MEGF11: variants seen among roughly 807,000 people sequenced by gnomAD.
MEGF11 encodes the protein multiple epidermal growth factor-like domains protein 11.
MEGF11 carries 126 observed loss-of-function variants against 146.6 expected under a neutral mutation model. The ratio of observed to expected loss-of-function variants is 0.86; its 90% CI spans 0.74 to 1.00. The LOEUF (loss-of-function observed/expected upper bound fraction) is 1.00, where lower values mean the gene tolerates loss of function less well. Among genes scored for constraint, MEGF11 ranks in the 50% least tolerant of loss-of-function variants. The pLI is 0.00. For synonymous variants in MEGF11, 532 were observed against 583.4 expected (o/e 0.91, Z 1.27); for missense variants, 1,509 against 1,521.2 (o/e 0.99, Z 0.13).
At chr15:65,924,082 T>C (rs1279263583) in intron 13 of MEGF11, among the ~76,000 whole-genome samples, 1 of 151,894 alleles carries the variant, frequency 6.6e-6, no homozygotes, top group African/African-American at 2.4e-5. Flanking sequence ...AAGACACTCA[T>C]GCCCAGTGAA....
chr15:66,187,007 C>T (rs993318291), intron 1 of MEGF11, among the ~76,000 whole-genome samples: 3 of 152,210 alleles, frequency 2.0e-5, no homozygotes, highest in Non-Finnish European at 4.4e-5. Context: ...CCTCTCTGAA[C>T]CCCAGCTTCC....
intron 5 of MEGF11, among the ~76,000 whole-genome samples, chr15:66,040,949 G>C (rs565759510): frequency 2.0e-4 from 30 of 151,546 alleles, no homozygotes; most frequent in African/African-American, 6.8e-4. Flanking sequence ...TCACAAAGAG[G>C]CCACTTAGGC....
At chr15:66,109,035 C>G (rs1457932117) in intron 4 of MEGF11, among the ~76,000 whole-genome samples, 1 of 152,218 alleles carries the variant, frequency 6.6e-6, no homozygotes, top group Non-Finnish European at 1.5e-5. Context: ...TGCCTCAATC[C>G]TCCCACGGCT....
intron 4 of MEGF11, among the ~76,000 whole-genome samples, chr15:66,111,997 C>T (rs1195287886): frequency 6.6e-6 from 1 of 151,016 alleles, no homozygotes; most frequent in Non-Finnish European, 1.5e-5. Flanking sequence ...TTAGAGTGCC[C>T]GACAAGAAAA....
intron 1 of MEGF11, among the ~76,000 whole-genome samples, chr15:66,231,698 C>A (rs988303017): frequency 1.3e-5 from 2 of 152,320 alleles, no homozygotes; most frequent in South Asian, 2.1e-4. Flanking sequence ...GCTTCACAGG[C>A]CCTTTGGGCA....
chr15:66,095,219 G>A (rs377517703), intron 4 of MEGF11, among the ~76,000 whole-genome samples: 1 of 152,324 alleles, frequency 6.6e-6, no homozygotes, highest in Admixed American at 6.5e-5. Flanking sequence ...GAGGCTTATT[G>A]ACAGCAGTTT....
chr15:65,945,530 A>G (rs566879875), intron 10 of MEGF11, among the ~76,000 whole-genome samples: 91 of 152,188 alleles, frequency 6.0e-4, no homozygotes, highest in African/African-American at 2.2e-3. Context: ...AGACTATGTA[A>G]CCTTGCCACG....
intron 1 of MEGF11, among the ~76,000 whole-genome samples, chr15:66,206,282 G>A (rs968954055): frequency 6.6e-6 from 1 of 151,912 alleles, no homozygotes; most frequent in African/African-American, 2.4e-5. Flanking sequence ...GGGGCTTATG[G>A]GACTATAACA....
At chr15:65,946,201 A>G (rs892151331) in intron 10 of MEGF11, among the ~76,000 whole-genome samples, 30 of 152,190 alleles carry the variant, frequency 2.0e-4, no homozygotes, top group Admixed American at 1.3e-4. Context: ...TGTGCCAAAC[A>G]CTTTTGTAGA....
At chr15:66,179,492 A>C (rs542928687) in intron 1 of MEGF11, among the ~76,000 whole-genome samples, 4 of 152,248 alleles carry the variant, frequency 2.6e-5, no homozygotes, top group Admixed American at 2.6e-4. Context: ...GAAGAGCCCA[A>C]AGCAACTCGC....
chr15:66,018,089 C>A (rs1231398187), intron 5 of MEGF11, among the ~76,000 whole-genome samples: 1 of 152,190 alleles, frequency 6.6e-6, no homozygotes, highest in Non-Finnish European at 1.5e-5. Flanking sequence ...TGTGATGGGG[C>A]AGTGCCCACC....
At chr15:65,960,699 G>C (rs914479141) in intron 9 of MEGF11, among the ~76,000 whole-genome samples, 1 of 152,226 alleles carries the variant, frequency 6.6e-6, no homozygotes, top group Non-Finnish European at 1.5e-5. Context: ...ATCAATAGAT[G>C]CTTCTGCTGT....
At chr15:66,113,502 C>T (rs767965866) in intron 4 of MEGF11, among the ~76,000 whole-genome samples, 65 of 152,142 alleles carry the variant, frequency 4.3e-4, no homozygotes, top group Non-Finnish European at 6.8e-4. Context: ...CCTCCTTGCC[C>T]GCTGCAGTGA....
intron 2 of MEGF11, among the ~76,000 whole-genome samples, chr15:66,126,647 G>A (rs1428957657): frequency 6.6e-6 from 1 of 152,218 alleles, no homozygotes; most frequent in African/African-American, 2.4e-5. Flanking sequence ...CAGCTGCAAA[G>A]GAGGCACTCG....
intron 10 of MEGF11, among the ~76,000 whole-genome samples, chr15:65,941,577 G>A (rs1469381504): frequency 2.0e-5 from 3 of 152,206 alleles, no homozygotes; most frequent in African/African-American, 7.2e-5. Flanking sequence ...TGCAGTTCTT[G>A]TGGAGCAGTT....
intron 1 of MEGF11, among the ~76,000 whole-genome samples, chr15:66,204,607 C>G (rs2091254340): frequency 6.6e-6 from 1 of 152,084 alleles, no homozygotes; most frequent in African/African-American, 2.4e-5. Flanking sequence ...GTTATTCGTA[C>G]CTGTAAAGAG....
intron 1 of MEGF11, among the ~76,000 whole-genome samples, chr15:66,152,886 T>C (rs1209192378): frequency 6.6e-6 from 1 of 152,150 alleles, no homozygotes; most frequent in Admixed American, 6.5e-5. Context: ...TGAAGGAGGC[T>C]GCCCCTCCCC....
chr15:66,007,374 G>T (rs1010486282), intron 5 of MEGF11, among the ~76,000 whole-genome samples: 1 of 152,144 alleles, frequency 6.6e-6, no homozygotes, highest in Non-Finnish European at 1.5e-5. Context: ...CAAATATTTT[G>T]ATTCCCTGCT....
intron 5 of MEGF11, among the ~76,000 whole-genome samples, chr15:66,084,874 G>C (rs2086038995): frequency 6.6e-6 from 1 of 152,188 alleles, no homozygotes; most frequent in South Asian, 2.1e-4. Flanking sequence ...CATTTCTTTT[G>C]CAGCTGGAAG....
Sources: allele counts gnomAD v4.1 joint callset (sites outside exome capture counted in the v4.1 genomes callset), GRCh38; gene constraint gnomAD v4.1.1; transcripts MANE v1.5; gene names NCBI Gene and HGNC (gene_info 2026-07-23, HGNC 2026-07-21).